TSHR: variants seen among roughly 807,000 people sequenced by gnomAD.
The protein encoded by TSHR is thyroid stimulating hormone receptor.
A neutral mutation model predicts 64.1 loss-of-function variants in TSHR; 51 were observed. The observed-to-expected ratio is 0.80, with a 90% CI of 0.64 to 1.01. The LOEUF (loss-of-function observed/expected upper bound fraction) is 1.01. TSHR is among the 50% of genes least tolerant of loss of function. The pLI is 0.00. For synonymous variants in TSHR, 361 were observed against 361.9 expected, an observed-to-expected ratio of 1.00 and a Z score of 0.03; for missense variants, 877 against 942.8, an observed-to-expected ratio of 0.93 and a Z score of 0.91.
chr14:81,074,396 C>CTG (rs1887337822), intron 3 of TSHR, among the ~76,000 whole-genome samples: 2 of 152,080 alleles, frequency 1.3e-5, no homozygotes, highest in African/African-American at 4.8e-5. Context: ...TAAGCAGCGA[C>CTG]TATAATCAAA....
intron 1 of TSHR, among the ~76,000 whole-genome samples, chr14:81,035,744 G>A (rs765959398): frequency 8.5e-5 from 13 of 152,078 alleles, no homozygotes; most frequent in South Asian, 2.1e-4. Flanking sequence ...GATGCTGGGG[G>A]TTTTATGTGT....
At chr14:81,135,846 A>G (rs983252193) in intron 8 of TSHR, among the ~76,000 whole-genome samples, 1 of 152,234 alleles carries the variant, frequency 6.6e-6, no homozygotes, top group Non-Finnish European at 1.5e-5. Flanking sequence ...CTGTCTGATT[A>G]AAACTGCAGA....
chr14:81,073,435 A>G (rs1887263842), intron 3 of TSHR, among the ~76,000 whole-genome samples: 1 of 152,126 alleles, frequency 6.6e-6, no homozygotes, highest in African/African-American at 2.4e-5. Context: ...TTCTTTTCAA[A>G]GACACATGGA....
At chr14:81,011,255 G>A (rs1889890419) in intron 1 of TSHR, among the ~76,000 whole-genome samples, 1 of 150,210 alleles carries the variant, frequency 6.7e-6, no homozygotes, top group Admixed American at 6.7e-5. Flanking sequence ...AAGAAAAAAA[G>A]TATCAGGTTT....
At chr14:81,086,010 A>T (rs529963338) in intron 3 of TSHR, among the ~76,000 whole-genome samples, 3 of 152,266 alleles carry the variant, frequency 2.0e-5, no homozygotes, top group South Asian at 4.1e-4. Flanking sequence ...GGACAAAAAA[A>T]TGAAAGATTG....
intron 8 of TSHR, among the ~76,000 whole-genome samples, chr14:81,134,728 C>T (rs982227153): frequency 6.6e-6 from 1 of 152,112 alleles, no homozygotes; most frequent in Admixed American, 6.6e-5. Context: ...CAGGAGGTGC[C>T]TTTTCCTCTT....
intron 3 of TSHR, among the ~76,000 whole-genome samples, chr14:81,072,793 C>T (rs1046740133): frequency 7.3e-5 from 10 of 137,244 alleles, no homozygotes; most frequent in African/African-American, 2.7e-4. Flanking sequence ...GTCAGGAGAT[C>T]GAGACCATCC....
At chr14:81,002,804 T>A (rs1594939701) in intron 1 of TSHR, among the ~76,000 whole-genome samples, 84 of 30,644 alleles carry the variant, frequency 2.7e-3, no homozygotes, top group East Asian at 0.026. Flanking sequence ...TTTTTTTTTT[T>A]TTTATCTTTT....
At chr14:80,995,973 C>T (rs1424164248) in intron 1 of TSHR, among the ~76,000 whole-genome samples, 1 of 152,122 alleles carries the variant, frequency 6.6e-6, no homozygotes, top group East Asian at 1.9e-4. Flanking sequence ...TGTCGACACT[C>T]CTAAACCCCT....
chr14:81,072,418 C>T (rs748181947), intron 3 of TSHR, among the ~76,000 whole-genome samples: 1 of 152,074 alleles, frequency 6.6e-6, no homozygotes, highest in Non-Finnish European at 1.5e-5. Flanking sequence ...TGAAATTAAA[C>T]TTTAATAAAT....
chr14:80,965,877 T>C (rs1213317149), intron 1 of TSHR, among the ~76,000 whole-genome samples: 3 of 152,254 alleles, frequency 2.0e-5, no homozygotes, highest in African/African-American at 7.2e-5. Context: ...GACAGGTATA[T>C]GTGCTCTGGA....
Position 81,031,208 on chromosome 14 carries a change from G to T in TSHR, c.171-30940G>T, listed in dbSNP as rs571320050. Among the ~76,000 whole-genome samples, 3 of 152,304 alleles carry T rather than the reference G, an allele frequency of 2.0e-5. No homozygotes were observed. The South Asian group carries it at 6.2e-4, about 32-fold the overall frequency. On this transcript the variant is annotated intron_variant, in intron 1 of 9. Transcript: ENST00000298171. ...CTGTTGGTGACATACACAGCATTAT[G>T]CTTAGAAAAGTATGGGTTTCTTCCA...
intron 1 of TSHR, chr14:81,052,952 G>A (rs564689417): frequency 1.3e-5 from 2 of 152,098 alleles, no homozygotes; most frequent in South Asian, 2.1e-4. Flanking sequence ...AGGGGAGAGG[G>A]AGAGGGAGAG....
intron 1 of TSHR, among the ~76,000 whole-genome samples, chr14:81,015,608 T>A (rs12436366): frequency 0.53 from 80,207 of 152,062 alleles, 24,286 homozygotes; most frequent in Non-Finnish European, 0.67. Context: ...ATGCATTACC[T>A]TACATATTCA....
chr14:81,121,914 G>T (rs1323776697), intron 8 of TSHR, among the ~76,000 whole-genome samples: 1 of 144,082 alleles, frequency 6.9e-6, no homozygotes, highest in Admixed American at 7.0e-5. Context: ...CTGCACTCCA[G>T]CCTGGGAGAC....
intron 2 of TSHR, among the ~76,000 whole-genome samples, chr14:81,062,483 A>G (rs1035933795): frequency 6.6e-6 from 1 of 152,124 alleles, no homozygotes; most frequent in Non-Finnish European, 1.5e-5. Context: ...GTATTTTAAT[A>G]TATCTTGGGA....
chr14:81,048,831 C>T (rs1472961733), intron 1 of TSHR, among the ~76,000 whole-genome samples: 1 of 152,160 alleles, frequency 6.6e-6, no homozygotes. Flanking sequence ...ATTGCCCTCA[C>T]TCTCTGATTC....
chr14:81,010,366 G>A (rs760454003), intron 1 of TSHR, among the ~76,000 whole-genome samples: 70 of 151,836 alleles, frequency 4.6e-4, no homozygotes, highest in Non-Finnish European at 8.4e-4. Context: ...TTAAATTTCG[G>A]AACAGCCATA....
chr14:81,090,682 C>A (rs1344645960), intron 4 of TSHR, among the ~76,000 whole-genome samples: 3 of 152,148 alleles, frequency 2.0e-5, no homozygotes, highest in Non-Finnish European at 4.4e-5. Flanking sequence ...TCATATCTTC[C>A]TGTCCCATCT....
Sources: allele counts gnomAD v4.1 joint callset (sites outside exome capture counted in the v4.1 genomes callset), GRCh38; gene constraint gnomAD v4.1.1; transcripts MANE v1.5; gene names NCBI Gene and HGNC (gene_info 2026-07-23, HGNC 2026-07-21).